Variants in AKAP9 observed in about 807,000 individuals in gnomAD.
AKAP9 encodes A-kinase anchor protein 9.
AKAP9 carries 311 observed loss-of-function variants against 488.5 expected under a neutral mutation model. The observed-to-expected ratio is 0.64, with a 90% CI of 0.58 to 0.70. AKAP9 has a LOEUF of 0.70. AKAP9 is among the 30% of genes least tolerant of loss of function. AKAP9 has a pLI of 0.00. For synonymous variants in AKAP9, 1,462 were observed against 1,483.5 expected (o/e 0.99, Z 0.33); for missense variants, 4,215 against 4,374.5 (o/e 0.96, Z 1.03).
At chr7:91,957,053 G>A (rs1375627445) in intron 1 of AKAP9, among the ~76,000 whole-genome samples, 5 of 151,964 alleles carry the variant, frequency 3.3e-5, no homozygotes, top group Non-Finnish European at 5.9e-5. Flanking sequence ...TTTGTAACGC[G>A]AATAACTACT....
rs1164156076 is a variant in AKAP9 at position 92,093,178 on chromosome 7, C to A, written c.9440C>A (p.Ala3147Glu). 1 of 1,614,142 alleles carries A rather than the reference C, an allele frequency of 6.2e-7. No individual in the cohort carries two copies. The highest frequency in any genetic ancestry group is 1.7e-5 in the Admixed American group (1 of 60,020). The change falls in exon 39 of 50, where the codon GCA becomes GAA. Residue 3147 changes from alanine to glutamate, a missense_variant. Around this residue, in one of 5 missense-constraint regions of AKAP9, gnomAD observed 1,476 missense variants for 1,477.4 expected, o/e 1.00. Coordinates refer to ENST00000356239, the MANE Select transcript of AKAP9 (RefSeq NM_005751.5). ...QVELSSMKDR[A>E]TELQEQLSSE... ...GAGCTCAGCAGTATGAAAGACAGAG[C>A]AACGGAACTGCAGGAGCAGCTGAGT... is the stretch of plus-strand genomic sequence containing the variant.
Position 91,992,928 on chromosome 7 carries a change from C to T in AKAP9, c.449C>T (p.Ala150Val). 6.2e-7 allele frequency: 1 copy of T among 1,613,966 alleles called. No homozygotes were observed. Among genetic ancestry groups the T allele is most frequent in the South Asian group, 1.1e-5 (1 of 91,070 alleles). ...GVDDSYSEQGAQDSPTHLEMM... is the reference protein window; with the variant it reads ...GVDDSYSEQGVQDSPTHLEMM... ...GATGATTCTTATTCTGAACAAGGAG[C>T]ACAAGACAGTCCGACTCATCTAGAG... is the stretch of plus-strand genomic sequence containing the variant. The change falls in exon 5 of 50, where the codon GCA becomes GTA. Residue 150 changes from alanine (A) to valine (V), a missense_variant. Ala to Val is a moderately conservative substitution (Grantham distance 64, BLOSUM62 0). Coordinates refer to ENST00000356239, the MANE Select transcript of AKAP9 (RefSeq NM_005751.5).
In AKAP9 at chr7:92,017,036, C is replaced by G; in HGVS notation, c.3771C>G (p.His1257Gln). 1 of 1,585,770 alleles carries G rather than the reference C, an allele frequency of 6.3e-7. No individual in the cohort carries two copies. Among genetic ancestry groups the G allele is most frequent in the Non-Finnish European group, 8.6e-7 (1 of 1,159,672 alleles). ...ATCCAGACTTTCAAGAAAATATGCA[C>G]ACTCTTCTCAACAAAGTAACAGAAG... ...YEVQDFQENMHTLLNKVTEEY... is the reference protein window; with the variant it reads ...YEVQDFQENMQTLLNKVTEEY... The change falls in exon 12 of 50, where the codon CAC becomes CAG. Residue 1257 changes from histidine (H) to glutamine (Q), a missense_variant. Transcript: ENST00000356239.
intron 16 of AKAP9, among the ~76,000 whole-genome samples, chr7:92,033,442 C>CTTTTTTTTT (rs35497475): frequency 5.1e-4 from 55 of 107,282 alleles, no homozygotes; most frequent in Middle Eastern, 5.7e-3. Flanking sequence ...CTTTTCTTTT[C>CTTTTTTTTT]TTTTTTTTTT....
rs1795366129 is a variant in AKAP9, at chr7:91,973,877, G to C, written c.215G>C (p.Arg72Thr). ...GAAATGTACATAAATAGTTCTCAGA[G>C]AGTAGAATCAACTGTGATTCCTGAA... is the stretch of plus-strand genomic sequence containing the variant. ...CNEMYINSSQ[R>T]VESTVIPEST... is the part of the protein sequence containing the mutation. The change falls in exon 2 of 50, where the codon AGA becomes ACA. Residue 72 changes from arginine (R) to threonine (T), a missense_variant. Arg to Thr is a moderately conservative substitution (Grantham distance 71, BLOSUM62 -1). Transcript: ENST00000356239. 6.2e-7 allele frequency: 1 copy of C among 1,613,868 alleles called. No individual in the cohort carries two copies. Among genetic ancestry groups the C allele is most frequent in the African/African-American group, 1.3e-5 (1 of 74,890 alleles).
chr7:92,049,536 C>T (rs980420945), intron 21 of AKAP9, among the ~76,000 whole-genome samples: 20 of 151,888 alleles, frequency 1.3e-4, no homozygotes, highest in Non-Finnish European at 2.2e-4. Context: ...ACGTGAACCC[C>T]GGAGGCGGAG....
At chr7:91,950,466 A>G (rs4236525) in intron 1 of AKAP9, among the ~76,000 whole-genome samples, 91,334 of 151,932 alleles carry the variant, frequency 0.6, 27,740 homozygotes, top group East Asian at 0.83. Context: ...TCCTGACCTC[A>G]TGATCCGCCT....
At chr7:91,999,904 G>T (rs1798931465) in intron 7 of AKAP9, among the ~76,000 whole-genome samples, 1 of 152,124 alleles carries the variant, frequency 6.6e-6, no homozygotes, top group African/African-American at 2.4e-5. Flanking sequence ...AGTCCTGTTT[G>T]CCTGGGACTC....
Position 91,975,933 on chromosome 7 carries a change from T to G in AKAP9, c.306+1965T>G, listed in dbSNP as rs554184505. 1.7e-3 allele frequency among the ~76,000 whole-genome samples: 250 copies of G among 150,280 alleles called. 4 individuals carry two copies. Among genetic ancestry groups the G allele is most frequent in the African/African-American group, 4.2e-3 (173 of 41,116 alleles). On this transcript the variant is annotated intron_variant, in intron 2 of 49. Transcript: ENST00000356239. ...TTTTTGTTTGTTTGTTTGTTTTTTTTTTTTTTGAGACAAAGTCTCGCTTTG... is the reference window on the plus strand; with the variant it reads ...TTTTTGTTTGTTTGTTTGTTTTTTTGTTTTTTGAGACAAAGTCTCGCTTTG...
intron 31 of AKAP9, among the ~76,000 whole-genome samples, chr7:92,080,389 G>T (rs1813312379): frequency 6.6e-6 from 1 of 152,148 alleles, no homozygotes; most frequent in Non-Finnish European, 1.5e-5. Context: ...TTGAGGTCAG[G>T]AGATCGAGAC....
chr7:92,019,383 G>A (rs1004110203), intron 12 of AKAP9, among the ~76,000 whole-genome samples: 2 of 151,290 alleles, frequency 1.3e-5, no homozygotes, highest in Admixed American at 1.3e-4. Context: ...CTTGTGATCC[G>A]CCCACCTTGG....
In AKAP9 at chr7:92,042,160, C is replaced by G; in HGVS notation, c.5032C>G (p.Leu1678Val). The G allele has an allele frequency of 6.2e-7, 1 of 1,613,916 alleles. No individual in the cohort carries two copies. Among genetic ancestry groups the G allele is most frequent in the Non-Finnish European group, 8.5e-7 (1 of 1,179,878 alleles). Residue 1678 changes from leucine to valine, a missense_variant, in exon 19 of 50, where the codon CTG (leucine) becomes GTG (valine). Transcript: ENST00000356239. The part of the protein sequence containing the change: ...LAGREKLCCE[L>V]RNSSTQTQNG... ...TGGAAGAGAGAAGCTGTGTTGTGAG[C>G]TGCGCAACAGCAGTACGCAAACACA...
intron 3 of AKAP9, among the ~76,000 whole-genome samples, chr7:91,982,440 TG>T (rs1302617186): frequency 1.3e-5 from 2 of 151,358 alleles, no homozygotes. Flanking sequence ...GAACTTGCAG[TG>T]TTTGGTTTTC....
intron 16 of AKAP9, among the ~76,000 whole-genome samples, chr7:92,034,863 T>C (rs1397985577): frequency 1.3e-5 from 2 of 152,142 alleles, no homozygotes; most frequent in African/African-American, 4.8e-5. Flanking sequence ...TCTCACCTTT[T>C]TGTCAGATTG....
At chr7:92,061,088 C>T (rs1412436599) in intron 22 of AKAP9, among the ~76,000 whole-genome samples, 172 bp from the exon 23 acceptor site, 1 of 152,122 alleles carries the variant, frequency 6.6e-6, no homozygotes, top group Non-Finnish European at 1.5e-5. Flanking sequence ...TACATGTCTC[C>T]TCTGATTTCT....
Position 92,075,496 on chromosome 7 carries a change from TTAAGTG to T in AKAP9, c.6613-1353_6613-1348del, listed in dbSNP as rs971844656. ...AATAACCAGTGTTACAGAAAAAATT[TTAAGTG>T]TAAGTCTTAGACATTAGTTATTAGA... On this transcript the variant is annotated intron_variant, in intron 28 of 49. Coordinates refer to ENST00000356239, the MANE Select transcript of AKAP9 (RefSeq NM_005751.5). Among the ~76,000 whole-genome samples the T allele has an allele frequency of 3.2e-4, 49 of 152,346 alleles. 1 individual carries two copies. The highest frequency in any genetic ancestry group is 1.2e-3 in the African/African-American group (48 of 41,586).
chr7:92,083,736 A>G (rs751715038), intron 33 of AKAP9, 81 bp downstream of exon 33: 3 of 1,472,350 alleles, frequency 2.0e-6, no homozygotes, highest in Non-Finnish European at 9.2e-7. Context: ...CATTTTGTAG[A>G]TGACAAACCA....
rs1441042421 is a variant in AKAP9, at chr7:92,089,542, A to G, written c.9358+13A>G. On this transcript the variant is annotated intron_variant, in intron 38 of 49. Transcript: ENST00000356239. ...AAACCAAGCCAAGGTATGTTGTATG[A>G]CAAGCTCATATGGTTACACAAACAG... The G allele has an allele frequency of 9.3e-6, 15 of 1,612,420 alleles. No individual in the cohort carries two copies. The highest frequency in any genetic ancestry group is 1.3e-5 in the Non-Finnish European group (15 of 1,179,056).
At chr7:91,993,150 A>C (rs1562947766) in intron 5 of AKAP9, 95 bp downstream of exon 5, 3 of 1,346,776 alleles carry the variant, frequency 2.2e-6, no homozygotes, top group African/African-American at 3.0e-5. Context: ...GGTTTTTAAA[A>C]TTTTTTTTTA....
Sources: gnomAD v4.1 joint callset for allele counts (sites outside exome capture counted in the v4.1 genomes callset) on GRCh38, gnomAD v4.1.1 for gene constraint, gnomAD v4.1.1 regional missense constraint, MANE v1.5 for transcripts, NCBI Gene and HGNC (gene_info 2026-07-23, HGNC 2026-07-21) for gene names.